Variants in UNC13C observed in about 807,000 individuals in gnomAD.
UNC13C encodes the protein protein unc-13 homolog C.
A neutral mutation model predicts 245.4 loss-of-function variants in UNC13C; 174 were observed. The ratio of observed to expected loss-of-function variants is 0.71; its 90% CI spans 0.63 to 0.80. UNC13C has a LOEUF of 0.80. Among genes scored for constraint, UNC13C ranks in the 30% least tolerant of loss-of-function variants. The pLI is 0.00. For missense variants in UNC13C, 2,829 were observed against 2,602.9 expected, an observed-to-expected ratio of 1.09 and a Z score of -1.89; for synonymous variants, 992 against 895.1, an observed-to-expected ratio of 1.11 and a Z score of -1.93.
chr15:53,982,768 T>C (rs891926415), intron 1 of UNC13C, among the ~76,000 whole-genome samples: 6 of 152,294 alleles, frequency 3.9e-5, no homozygotes, highest in African/African-American at 4.8e-5. Flanking sequence ...ATTTTCTTTG[T>C]AAGCCTTGGT....
chr15:53,994,786 A>G (rs1214652466), intron 1 of UNC13C, among the ~76,000 whole-genome samples: 1 of 152,150 alleles, frequency 6.6e-6, no homozygotes, highest in East Asian at 1.9e-4. Context: ...TGTCTGAAAT[A>G]TTGCAGAACT....
chr15:54,333,900 T>G lies in UNC13C; in HGVS notation c.4584+44T>G, dbSNP rs192552220. 13 of 1,402,306 alleles carry G rather than the reference T, an allele frequency of 9.3e-6. No homozygotes were observed. In the Admixed American group the frequency reaches 1.4e-4, roughly 15 times the overall value. The allele number at this position is 1,402,306 out of a possible 1,614,324, so 86.9% of individuals were successfully genotyped here. A position where few individuals can be genotyped will look rare whatever the true frequency, so the allele number is the denominator to read the frequency against. ...GTCACTGTTTTGTTGTGACATAGAATACATTCATCCCCTGGTAAAGTCTTG... is the reference window on the plus strand; with the variant it reads ...GTCACTGTTTTGTTGTGACATAGAAGACATTCATCCCCTGGTAAAGTCTTG... On this transcript the variant is annotated intron_variant, in intron 16 of 32. Coordinates refer to ENST00000260323, the MANE Select transcript of UNC13C (RefSeq NM_001080534.3).
At chr15:54,277,572 G>A (rs1210983439) in intron 10 of UNC13C, among the ~76,000 whole-genome samples, 1 of 152,108 alleles carries the variant, frequency 6.6e-6, no homozygotes, top group Non-Finnish European at 1.5e-5. Context: ...CTACTAATTG[G>A]CAGATAATTA....
chr15:53,902,699 G>A, the UNC13C span, among the ~76,000 whole-genome samples: 3 of 152,288 alleles, frequency 2.0e-5, no homozygotes, highest in East Asian at 5.8e-4. Context: ...ACCAACAGAA[G>A]CAAAAAATTT....
In UNC13C at chr15:54,332,046, G is replaced by A. The variant is rs1369385841; in HGVS notation, c.4429G>A (p.Glu1477Lys). 4 of 1,577,250 alleles carry A rather than the reference G, an allele frequency of 2.5e-6. No homozygotes were observed. The African/African-American group carries it at 4.0e-5, about 16-fold the overall frequency. Residue 1477 changes from glutamate to lysine, a missense_variant, in exon 15 of 33, where the codon GAA (glutamate) becomes AAA (lysine). By Grantham distance (56) the Glu-to-Lys change is moderately conservative. Transcript: ENST00000260323. ...ATTTTGTGTTTGCTTTGTACAGAGG[G>A]AAAAATTCATAAAACTACTGGACCA... is the stretch of plus-strand genomic sequence containing the variant. ...DRFAATNFGR[E>K]KFIKLLDQLH...
At chr15:54,127,528 G>A (rs143923209) in intron 2 of UNC13C, among the ~76,000 whole-genome samples, 266 of 151,884 alleles carry the variant, frequency 1.8e-3, no homozygotes, top group African/African-American at 6.3e-3. Context: ...ACACAGAGAG[G>A]GGAACATCAC....
At chr15:54,294,296 G>C (rs1428542845) in intron 11 of UNC13C, among the ~76,000 whole-genome samples, 4 of 151,998 alleles carry the variant, frequency 2.6e-5, no homozygotes, top group African/African-American at 9.7e-5. Flanking sequence ...GAACTACCTA[G>C]ATGTCTTTTA....
At chr15:54,038,140 T>TTTTTTTTTTTTTTTC (rs1555406257) in intron 2 of UNC13C, among the ~76,000 whole-genome samples, 3 of 127,574 alleles carry the variant, frequency 2.4e-5, no homozygotes, top group African/African-American at 9.6e-5. Context: ...TTTTTTTTTT[T>TTTTTTTTTTTTTTTC]CCTGAGACAG....
intron 19 of UNC13C, among the ~76,000 whole-genome samples, chr15:54,415,770 C>T (rs1243837710): frequency 6.6e-6 from 1 of 152,090 alleles, no homozygotes; most frequent in African/African-American, 2.4e-5. Context: ...TAGCCCTGGT[C>T]CCCACCCTCA....
chr15:54,234,948 C>T (rs370039928), intron 4 of UNC13C, 82 bp from the exon 5 acceptor site: 2 of 1,263,930 alleles, frequency 1.6e-6, no homozygotes, highest in East Asian at 2.3e-5. Flanking sequence ...TTTTCACAGA[C>T]TTTATACCAT....
At chr15:53,883,402 T>A in the UNC13C span, among the ~76,000 whole-genome samples, 1 of 152,236 alleles carries the variant, frequency 6.6e-6, no homozygotes, top group Non-Finnish European at 1.5e-5. Context: ...GTAGGATACA[T>A]GTCTCATGTT....
At chr15:54,078,389 T>G (rs1177049840) in intron 2 of UNC13C, among the ~76,000 whole-genome samples, 1 of 152,218 alleles carries the variant, frequency 6.6e-6, no homozygotes, top group Non-Finnish European at 1.5e-5. Context: ...TTAGTTCCAC[T>G]TTTAGTTATT....
rs554433116 is a variant in UNC13C, at chr15:54,159,219, C to T, written c.3071+15535C>T. Among the ~76,000 whole-genome samples, 45 of 152,146 alleles carry T rather than the reference C, an allele frequency of 3.0e-4. 1 individual carries two copies. Among genetic ancestry groups the T allele is most frequent in the Admixed American group, 2.7e-3 (41 of 15,272 alleles). ...ATTGAGCAGGCTACAATAGAACTGT[C>T]GAGTAAACATGCTGATTCAATAATT... On this transcript the variant is annotated intron_variant, in intron 4 of 32. Transcript: ENST00000260323.
intron 2 of UNC13C, among the ~76,000 whole-genome samples, chr15:54,068,584 G>A (rs547432698): frequency 2.0e-5 from 3 of 152,088 alleles, no homozygotes; most frequent in Admixed American, 6.6e-5. Context: ...GGTAGTTTAC[G>A]AAAGAAGTCT....
intron 30 of UNC13C, among the ~76,000 whole-genome samples, chr15:54,575,406 A>G (rs1400720484): frequency 6.6e-6 from 1 of 152,202 alleles, no homozygotes; most frequent in African/African-American, 2.4e-5. Flanking sequence ...CATACCACCT[A>G]ATGAAAGCAT....
chr15:54,391,751 A>G (rs62010063), intron 17 of UNC13C, among the ~76,000 whole-genome samples: 4,239 of 152,184 alleles, frequency 0.028, 87 homozygotes, highest in African/African-American at 0.043. Flanking sequence ...GATGTATCCT[A>G]GGGAAATATA....
At chr15:54,470,200 A>C (rs1892386617) in intron 19 of UNC13C, among the ~76,000 whole-genome samples, 1 of 151,602 alleles carries the variant, frequency 6.6e-6, no homozygotes, top group African/African-American at 2.4e-5. Context: ...TATGTTCATC[A>C]GGATATAATG....
At chr15:53,839,602 G>T in the UNC13C span, among the ~76,000 whole-genome samples, 1,193 of 151,860 alleles carry the variant, frequency 7.9e-3, 10 homozygotes, top group Non-Finnish European at 0.013. Context: ...TATGAATTTT[G>T]TTTATGTACT....
intron 4 of UNC13C, among the ~76,000 whole-genome samples, chr15:54,232,788 A>G (rs1214197398): frequency 6.6e-6 from 1 of 152,136 alleles, no homozygotes; most frequent in Admixed American, 6.6e-5. Context: ...TTAGTTCATT[A>G]TTGATACTGT....
Sources: allele counts gnomAD v4.1 joint callset (sites outside exome capture counted in the v4.1 genomes callset), GRCh38; gene constraint gnomAD v4.1.1; transcripts MANE v1.5; gene names NCBI Gene and HGNC (gene_info 2026-07-23, HGNC 2026-07-21).